FREM1: variants seen among roughly 807,000 people sequenced by gnomAD.
The protein encoded by FREM1 is FRAS1 related extracellular matrix 1.
FREM1 carries 220 observed loss-of-function variants against 210.1 expected under a neutral mutation model. That is an observed-to-expected ratio of 1.05 (90% CI 0.94 to 1.17). FREM1 has a LOEUF of 1.17. Ranked by LOEUF, FREM1 falls within the 50% of genes most tolerant of loss-of-function variation. The probability of loss-of-function intolerance (pLI) is 0.00; values close to 1 mark genes in which losing one functional copy is unlikely to be tolerated. For synonymous variants in FREM1, 1,189 were observed against 980.2 expected, an observed-to-expected ratio of 1.21 and a Z score of -3.98; for missense variants, 3,454 against 2,675.5, an observed-to-expected ratio of 1.29 and a Z score of -6.42.
intron 1 of FREM1, among the ~76,000 whole-genome samples, chr9:14,905,077 C>A (rs940063051): frequency 6.6e-6 from 1 of 151,880 alleles, no homozygotes; most frequent in Non-Finnish European, 1.5e-5. Context: ...AGCATTTTGT[C>A]ATTATTCGCA....
rs376327068 is a variant in FREM1 at position 14,770,759 on chromosome 9, G to C, written c.4905C>G (p.Ser1635=). Residue 1635 remains serine, a synonymous_variant, in exon 26 of 37, where the codon TCC becomes TCG. Transcript: ENST00000380880. ...KTAPRITLLH[S]PSQVGLLKNG... ...TTTTCAGGAGCCCCACTTGAGAAGG[G>C]GAATGCAAGAGTGTGATACGAGGAG... is the stretch of plus-strand genomic sequence containing the variant. The C allele has an allele frequency of 3.1e-6, 5 of 1,613,304 alleles. No homozygotes were observed. Among genetic ancestry groups the C allele is most frequent in the Non-Finnish European group, 4.2e-6 (5 of 1,179,640 alleles).
Position 14,769,734 on chromosome 9 carries a change from T to A in FREM1, c.5194A>T (p.Thr1732Ser). ...QIMDPTGNSA[T>S]PQILELKWSH... The stretch of plus-strand genomic sequence containing the variant: ...AGCAAGAGAATTTACATTTGAGGAG[T>A]GGCCGAGTTCCCTGTGGGGTCCATG... The change falls in exon 27 of 37, where the codon ACT becomes TCT. Residue 1732 changes from threonine (T) to serine (S), a missense_variant. Physicochemically the swap from Thr to Ser is moderately conservative, Grantham distance 58 (BLOSUM62 1). Transcript: ENST00000380880. 2 of 1,612,238 alleles carry A rather than the reference T, an allele frequency of 1.2e-6. No homozygotes were observed. Among genetic ancestry groups the A allele is most frequent in the Non-Finnish European group, 8.5e-7 (1 of 1,178,932 alleles).
At position 14,868,878 on chromosome 9, in the gene FREM1, C is replaced by A. The variant is rs749978636; in HGVS notation, c.100G>T (p.Val34Leu). 4.4e-6 allele frequency: 7 copies of A among 1,607,766 alleles called. No homozygotes were observed. Among genetic ancestry groups the A allele is most frequent in the Non-Finnish European group, 5.9e-6 (7 of 1,177,138 alleles). ...TFISINRGVR[V>L]MKGHSAFLSG... Reference sequence around the variant, plus strand: ...AGGAAGGCAGAGTGGCCCTTCATCACCCTCACCCCGCGGTTGATGCTGATG... The same window carrying A: ...AGGAAGGCAGAGTGGCCCTTCATCAACCTCACCCCGCGGTTGATGCTGATG... Residue 34 changes from valine (V) to leucine (L), a missense_variant, in exon 2 of 37, where the codon GTG (valine) becomes TTG (leucine). Transcript: ENST00000380880.
In FREM1 at chr9:14,737,512, A is replaced by C; in HGVS notation, c.6424T>G (p.Ser2142Ala). The C allele has an allele frequency of 6.2e-7, 1 of 1,612,976 alleles. No individual in the cohort carries two copies. Among genetic ancestry groups the C allele is most frequent in the Non-Finnish European group, 8.5e-7 (1 of 1,179,388 alleles). Residue 2142 changes from serine to alanine, a missense_variant, in exon 37 of 37, where the codon TCT becomes GCT. Physicochemically the swap from Ser to Ala is moderately conservative, Grantham distance 99. Coordinates refer to ENST00000380880, the MANE Select transcript of FREM1 (RefSeq NM_001379081.2). ...VAFTNGRRGP[S>A]QRSKLGKSCV... ...CTCTTTCCAAGCTTGGAGCGTTGAG[A>C]GGGCCCTCTTCTCCCATTGGTGAAG...
intron 1 of FREM1, among the ~76,000 whole-genome samples, chr9:14,889,773 T>C (rs2132343376): frequency 6.6e-6 from 1 of 152,290 alleles, no homozygotes; most frequent in East Asian, 1.9e-4. Flanking sequence ...CCTTGTAAAT[T>C]AGACTGAAAA....
chr9:14,867,197 C>G (rs978837391), intron 2 of FREM1, among the ~76,000 whole-genome samples: 2 of 152,150 alleles, frequency 1.3e-5, no homozygotes, highest in African/African-American at 2.4e-5. Context: ...GTAGTTGGGT[C>G]TCTATCACCC....
intron 1 of FREM1, among the ~76,000 whole-genome samples, chr9:14,876,580 T>C (rs1200342853): frequency 6.6e-6 from 1 of 152,150 alleles, no homozygotes; most frequent in Non-Finnish European, 1.5e-5. Context: ...GTGCCGTCTG[T>C]CACCCCTTTC....
chr9:14,778,568 A>T (rs1166860549), intron 24 of FREM1, among the ~76,000 whole-genome samples: 3 of 140,672 alleles, frequency 2.1e-5, no homozygotes, highest in Non-Finnish European at 4.6e-5. Context: ...TGAACGTGCC[A>T]CCGCACTCCA....
chr9:14,862,072 AT>A (rs1830698944), intron 3 of FREM1, among the ~76,000 whole-genome samples: 1 of 152,156 alleles, frequency 6.6e-6, no homozygotes, highest in African/African-American at 2.4e-5. Flanking sequence ...CTGTATGCTG[AT>A]TTCATATCTT....
At chr9:14,750,802 T>C (rs1175021275) in intron 29 of FREM1, among the ~76,000 whole-genome samples, 1 of 152,204 alleles carries the variant, frequency 6.6e-6, no homozygotes, top group Non-Finnish European at 1.5e-5. Context: ...ATGCTTTTTC[T>C]GATGATATAA....
intron 5 of FREM1, among the ~76,000 whole-genome samples, chr9:14,852,000 G>A (rs998073654): frequency 3.3e-5 from 5 of 152,098 alleles, no homozygotes; most frequent in Admixed American, 6.5e-5. Context: ...CTTTCCAGCT[G>A]TAAATGAAAA....
chr9:14,757,369 A>C (rs1344540897), intron 28 of FREM1, among the ~76,000 whole-genome samples: 1 of 152,196 alleles, frequency 6.6e-6, no homozygotes, highest in East Asian at 1.9e-4. Flanking sequence ...AACCTGGCCA[A>C]CATGGTGAAA....
rs1250658310 is a variant in FREM1 at position 14,860,548 on chromosome 9, TATATATACACACATATATATACAC to T, written c.330-1088_330-1065del. Among the ~76,000 whole-genome samples the T allele has an allele frequency of 2.7e-4, 35 of 131,074 alleles. 3 individuals carry two copies. The highest frequency in any genetic ancestry group is 9.1e-4 in the African/African-American group (29 of 31,870). 86.0% of individuals were successfully genotyped at this position (131,074 alleles called of 152,430 possible). ...TAGTAGGTATGTATATATATACACA[TATATATACACACATATATATACAC>T]ATATATATACACATATATATACATA... On this transcript the variant is annotated intron_variant, in intron 3 of 36. Transcript: ENST00000380880.
chr9:14,769,212 T>C (rs1456187718), intron 27 of FREM1, among the ~76,000 whole-genome samples: 1 of 152,224 alleles, frequency 6.6e-6, no homozygotes, highest in Non-Finnish European at 1.5e-5. Flanking sequence ...ATTATATTTG[T>C]CTTACATGGG....
In FREM1 at chr9:14,836,071, G is replaced by A. The variant is rs879850722; in HGVS notation, c.1881+5376C>T. Among the ~76,000 whole-genome samples the A allele has an allele frequency of 6.6e-5, 10 of 152,202 alleles. No homozygotes were observed. Among genetic ancestry groups the A allele is most frequent in the South Asian group, 2.1e-4 (1 of 4,828 alleles). ...CCGGGTAATGAAAAGTGAGTAAGGTGCCCATAACTCTGAGCTTTCTTTGTT... is the reference window on the plus strand; with the variant it reads ...CCGGGTAATGAAAAGTGAGTAAGGTACCCATAACTCTGAGCTTTCTTTGTT... On this transcript the variant is annotated intron_variant, in intron 10 of 36. Transcript: ENST00000380880. This position sits in a 1 kb window ranked among gnomAD's most constrained non-coding sequence, Gnocchi z 4.9.
Position 14,746,441 on chromosome 9 carries a change from C to T in FREM1, c.6166G>A (p.Gly2056Arg), listed in dbSNP as rs766800531. The change falls in exon 35 of 37, where the codon GGG becomes AGG. Residue 2056 changes from glycine to arginine, a missense_variant. Coordinates refer to ENST00000380880, the MANE Select transcript of FREM1 (RefSeq NM_001379081.2). Reference sequence around the variant, plus strand: ...CAGTAGCCTGAGTGCTGGTGCCACCCGGCTGGACAGGATTTGTCTTCCACA... The same window carrying T: ...CAGTAGCCTGAGTGCTGGTGCCACCTGGCTGGACAGGATTTGTCTTCCACA... ...KDVEDKSCPA[G>R]WHQHSGYCHI... is the part of the protein sequence containing the mutation. The T allele has an allele frequency of 2.5e-5, 40 of 1,613,516 alleles. No individual in the cohort carries two copies. The East Asian group carries it at 3.8e-4, about 15-fold the overall frequency.
chr9:14,777,887 G>C (rs1033156048), intron 24 of FREM1, among the ~76,000 whole-genome samples: 10 of 152,098 alleles, frequency 6.6e-5, no homozygotes, highest in African/African-American at 2.2e-4. Flanking sequence ...AAAGAGATGA[G>C]TTTGGCTGAG....
intron 1 of FREM1, among the ~76,000 whole-genome samples, chr9:14,872,740 C>T (rs11543881): frequency 0.14 from 19,695 of 144,604 alleles, 1,816 homozygotes; most frequent in East Asian, 0.53. Context: ...CATCCCTGTC[C>T]TGTGCCAGTT....
At position 14,792,754 on chromosome 9, in the gene FREM1, G is replaced by A; in HGVS notation, c.3970C>T (p.Leu1324Phe). Residue 1324 changes from leucine (L) to phenylalanine (F), a missense_variant, in exon 22 of 37, where the codon CTT becomes TTT. Transcript: ENST00000380880. Reference sequence around the variant, plus strand: ...AAGAAGTCACTAACCTTAAGCTGAAGTTGCCCATTTTGGGGAAGCCTTTCA... The same window carrying A: ...AAGAAGTCACTAACCTTAAGCTGAAATTGCCCATTTTGGGGAAGCCTTTCA... Reference protein sequence around the residue: ...VFERLPQNGQLQLKIGRDWVP... With the variant: ...VFERLPQNGQFQLKIGRDWVP... The A allele has an allele frequency of 6.3e-7, 1 of 1,596,544 alleles. No individual in the cohort carries two copies. Among genetic ancestry groups the A allele is most frequent in the Non-Finnish European group, 8.5e-7 (1 of 1,173,648 alleles).
Sources: gnomAD v4.1 joint callset for allele counts (sites outside exome capture counted in the v4.1 genomes callset) on GRCh38, gnomAD v4.1.1 for gene constraint, Gnocchi (gnomAD v3.1) non-coding constraint, MANE v1.5 for transcripts, NCBI Gene and HGNC (gene_info 2026-07-23, HGNC 2026-07-21) for gene names.